The following SLC9B2 variants were observed in gnomAD, a reference collection of about 807,000 sequenced individuals.
The protein encoded by SLC9B2 is sodium/hydrogen exchanger 9B2.
Under a neutral mutation model 52.2 loss-of-function variants are expected in SLC9B2, and 39 were observed. The ratio of observed to expected loss-of-function variants is 0.75; its 90% CI spans 0.58 to 0.98. The LOEUF is 0.98. Among genes scored for constraint, SLC9B2 ranks in the 50% least tolerant of loss-of-function variants. The probability of loss-of-function intolerance (pLI) is 0.00; values close to 1 mark genes in which losing one functional copy is unlikely to be tolerated. For synonymous variants in SLC9B2, 214 were observed against 227.0 expected (o/e 0.94, Z 0.51); for missense variants, 626 against 637.5 (o/e 0.98, Z 0.19).
rs943255225 is a variant in SLC9B2, at chr4:103,023,410, T to A, written c.*2960A>T. ...TATCTGTGGTTTAAGAGGGGATAGG[T>A]TGAGTTGGTCAGTACTCTATCAGGT... On this transcript the variant is annotated 3_prime_UTR_variant, in exon 12 of 12. Coordinates refer to ENST00000394785, the MANE Select transcript of SLC9B2 (RefSeq NM_178833.7). 6.6e-6 allele frequency among the ~76,000 whole-genome samples: 1 copy of A among 152,102 alleles called. No individual in the cohort carries two copies. The highest frequency in any genetic ancestry group is 1.9e-4 in the East Asian group (1 of 5,198).
intron 4 of SLC9B2, among the ~76,000 whole-genome samples, chr4:103,055,307 G>T (rs946887809): frequency 6.6e-6 from 1 of 151,750 alleles, no homozygotes; most frequent in Admixed American, 6.6e-5. Flanking sequence ...GTTAATGGGT[G>T]CAGCACACCA....
At chr4:103,073,192 A>ACAAACAT (rs1315426795) in intron 1 of SLC9B2, among the ~76,000 whole-genome samples, 1 of 152,218 alleles carries the variant, frequency 6.6e-6, no homozygotes, top group African/African-American at 2.4e-5. Flanking sequence ...ATTTTGTTAC[A>ACAAACAT]GTAACAAAAA....
chr4:103,064,840 T>G (rs1245822235), intron 3 of SLC9B2, among the ~76,000 whole-genome samples: 1 of 152,186 alleles, frequency 6.6e-6, no homozygotes, highest in Non-Finnish European at 1.5e-5. Context: ...TTTTTATATT[T>G]TGATGTTAAA....
At chr4:103,065,366 G>A (rs1168236783) in intron 3 of SLC9B2, 1 of 152,038 alleles carries the variant, frequency 6.6e-6, no homozygotes, top group East Asian at 1.9e-4. Context: ...AACAGTGAAT[G>A]TATTGTGTTC....
chr4:103,073,629 G>T (rs116227167), intron 1 of SLC9B2, among the ~76,000 whole-genome samples: 1,687 of 152,162 alleles, frequency 0.011, 30 homozygotes, highest in African/African-American at 0.039. Context: ...TATTTTATTT[G>T]GTTAATTGAT....
intron 6 of SLC9B2, 55 bp downstream of exon 6, chr4:103,048,838 G>T: frequency 1.3e-6 from 2 of 1,591,480 alleles, no homozygotes; most frequent in South Asian, 2.3e-5. Context: ...TATGCAATCA[G>T]GGAAAGCCCT....
chr4:103,057,863 A>T lies in SLC9B2; in HGVS notation c.380T>A (p.Ile127Asn). The T allele has an allele frequency of 6.2e-7, 1 of 1,613,850 alleles. No individual in the cohort carries two copies. Among genetic ancestry groups the T allele is most frequent in the South Asian group, 1.1e-5 (1 of 90,924 alleles). The change falls in exon 4 of 12, where the codon ATT (isoleucine) becomes AAT (asparagine). Residue 127 changes from isoleucine (I) to asparagine (N), a missense_variant. Transcript: ENST00000394785. The part of the protein sequence containing the change: ...GIIILFYCAI[I>N]GGKLLGLIKL... ...AATAAGCCCCAAAAGTTTACCACCA[A>T]TGATGGCACAATAGAATAGGATTAT...
intron 2 of SLC9B2, among the ~76,000 whole-genome samples, chr4:103,067,203 T>C (rs1746213959): frequency 6.6e-6 from 1 of 152,188 alleles, no homozygotes; most frequent in African/African-American, 2.4e-5. Context: ...TGAAAACCAC[T>C]TCACATTCAT....
rs1353980896 is a variant in SLC9B2 at position 103,076,342 on chromosome 4, C to A, written c.-201G>T. 1 of 152,424 alleles carries A rather than the reference C, an allele frequency of 6.6e-6. No homozygotes were observed. Among genetic ancestry groups the A allele is most frequent in the East Asian group, 1.9e-4 (1 of 5,188 alleles). The allele number at this position is 152,424 out of a possible 1,614,324, so 9.4% of individuals were successfully genotyped here. A position where few individuals can be genotyped will look rare whatever the true frequency, so the allele number is the denominator to read the frequency against. The stretch of plus-strand genomic sequence containing the variant: ...GGAGGCTGCGTTGACTGCAGATAAA[C>A]GGTCTCAGGGCGCGGCACCGCGTGT... On this transcript the variant is annotated 5_prime_UTR_variant, in exon 1 of 12. Transcript: ENST00000394785.
At chr4:103,070,417 C>A (rs1264400012) in intron 1 of SLC9B2, among the ~76,000 whole-genome samples, 1 of 152,132 alleles carries the variant, frequency 6.6e-6, no homozygotes. Context: ...TCATGCAGAG[C>A]CCATTAACCC....
rs1197200953 is a variant in SLC9B2, at chr4:103,023,121, C to G, written c.*3249G>C. Reference sequence around the variant, plus strand: ...AAGATAGACTAAGTGGACTAAGATCCGAACTGTCGTGTGGCAAGTAGTTTT... The same window carrying G: ...AAGATAGACTAAGTGGACTAAGATCGGAACTGTCGTGTGGCAAGTAGTTTT... On this transcript the variant is annotated 3_prime_UTR_variant, in exon 12 of 12. Transcript: ENST00000394785. Among the ~76,000 whole-genome samples, 3 of 152,124 alleles carry G rather than the reference C, an allele frequency of 2.0e-5. No homozygotes were observed. In the South Asian group the frequency reaches 6.2e-4, roughly 32 times the overall value.
chr4:103,027,310 A>G (rs1054120924), intron 11 of SLC9B2, among the ~76,000 whole-genome samples: 1 of 152,322 alleles, frequency 6.6e-6, no homozygotes, highest in Admixed American at 6.5e-5. Flanking sequence ...ATGCAGTGAT[A>G]CCTACTGAAA....
At chr4:103,056,672 G>A (rs1745161902) in intron 4 of SLC9B2, among the ~76,000 whole-genome samples, 2 of 152,210 alleles carry the variant, frequency 1.3e-5, no homozygotes, top group Non-Finnish European at 2.9e-5. Flanking sequence ...AGGATGTGCA[G>A]CACACAGTTT....
At chr4:103,073,588 T>C (rs1746859186) in intron 1 of SLC9B2, among the ~76,000 whole-genome samples, 1 of 152,200 alleles carries the variant, frequency 6.6e-6, no homozygotes, top group Non-Finnish European at 1.5e-5. Flanking sequence ...GTCAAATACA[T>C]GTGGCCAAGT....
chr4:103,070,108 T>A (rs970895143), intron 1 of SLC9B2, among the ~76,000 whole-genome samples: 12 of 152,228 alleles, frequency 7.9e-5, no homozygotes, highest in African/African-American at 2.9e-4. Flanking sequence ...GAAATACATG[T>A]CTTTTAATGA....
At position 103,047,045 on chromosome 4, in the gene SLC9B2, GGTTACCT is replaced by G; in HGVS notation, c.888_889+5del. The G allele has an allele frequency of 6.2e-7, 1 of 1,613,594 alleles. No individual in the cohort carries two copies. The highest frequency in any genetic ancestry group is 8.5e-7 in the Non-Finnish European group (1 of 1,179,680). Reference sequence around the variant, plus strand: ...AGTAAAGCCTGTTGTGAACTGATTAGGTTACCTGTGGAAAAGGCTATGCCCAAGCATG... The same window carrying G: ...AGTAAAGCCTGTTGTGAACTGATTAGGTGGAAAAGGCTATGCCCAAGCATG... On this transcript the variant is annotated splice_donor_variant and splice_donor_5th_base_variant and coding_sequence_variant and intron_variant, in exon 7 of 12. Transcript: ENST00000394785.
intron 3 of SLC9B2, among the ~76,000 whole-genome samples, chr4:103,064,653 A>G (rs1319516694): frequency 1.3e-5 from 2 of 152,184 alleles, no homozygotes; most frequent in Non-Finnish European, 2.9e-5. Flanking sequence ...TCTCACCATG[A>G]AGAAACGATA....
At chr4:103,058,755 A>T (rs950642214) in intron 3 of SLC9B2, among the ~76,000 whole-genome samples, 2 of 151,460 alleles carry the variant, frequency 1.3e-5, no homozygotes, top group Non-Finnish European at 2.9e-5. Flanking sequence ...TTCCTTTAGG[A>T]AAAGCATTTC....
intron 3 of SLC9B2, among the ~76,000 whole-genome samples, chr4:103,061,987 A>G (rs539668100): frequency 3.9e-5 from 6 of 152,174 alleles, no homozygotes; most frequent in Non-Finnish European, 8.8e-5. Flanking sequence ...GTATTTTCCA[A>G]TTAGCTACAA....
Sources: allele counts gnomAD v4.1 joint callset (sites outside exome capture counted in the v4.1 genomes callset), GRCh38; gene constraint gnomAD v4.1.1; transcripts MANE v1.5; gene names NCBI Gene and HGNC (gene_info 2026-07-23, HGNC 2026-07-21).